Variants in DPP10 observed in about 807,000 individuals in gnomAD.
DPP10 encodes the protein dipeptidyl peptidase like 10, also known as inactive dipeptidyl peptidase 10.
DPP10 carries 33 observed loss-of-function variants against 120.9 expected under a neutral mutation model. The observed-to-expected ratio is 0.27, with a 90% CI of 0.21 to 0.37. The LOEUF (loss-of-function observed/expected upper bound fraction) is 0.37. DPP10 is among the 10% of genes least tolerant of loss of function. The probability of loss-of-function intolerance (pLI) is 1.00; values close to 1 mark genes in which losing one functional copy is unlikely to be tolerated. For synonymous variants in DPP10, 337 were observed against 326.1 expected (o/e 1.03, Z -0.36); for missense variants, 816 against 942.8 (o/e 0.87, Z 1.76).
At chr2:115,072,187 C>T (rs547041287) in intron 1 of DPP10, among the ~76,000 whole-genome samples, 1 of 152,120 alleles carries the variant, frequency 6.6e-6, no homozygotes, top group South Asian at 2.1e-4. Flanking sequence ...TTAAAAAGCA[C>T]ATATATCACC....
At chr2:115,087,845 C>T (rs555550658) in intron 1 of DPP10, among the ~76,000 whole-genome samples, 3 of 152,272 alleles carry the variant, frequency 2.0e-5, no homozygotes, top group African/African-American at 7.2e-5. Flanking sequence ...TGAGTCACCG[C>T]ACCCAGCCAA....
intron 5 of DPP10, among the ~76,000 whole-genome samples, chr2:115,551,145 A>G (rs2079846603): frequency 6.6e-6 from 1 of 152,098 alleles, no homozygotes; most frequent in Admixed American, 6.6e-5. Context: ...CACAATTTTT[A>G]ATAGTTTATT....
chr2:115,524,753 C>T (rs961568361), intron 4 of DPP10, among the ~76,000 whole-genome samples: 17 of 152,060 alleles, frequency 1.1e-4, no homozygotes, highest in Admixed American at 7.9e-4. Flanking sequence ...ATGTTGCAGT[C>T]GCATTAGCAT....
intron 1 of DPP10, among the ~76,000 whole-genome samples, chr2:114,934,075 A>C (rs1287011769): frequency 6.6e-6 from 1 of 152,198 alleles, no homozygotes; most frequent in African/African-American, 2.4e-5. Context: ...GGGATGTGGT[A>C]ACAGCTGTGA....
chr2:115,713,654 G>A (rs993961126), intron 7 of DPP10, among the ~76,000 whole-genome samples: 1 of 152,188 alleles, frequency 6.6e-6, no homozygotes, highest in Non-Finnish European at 1.5e-5. Flanking sequence ...TGTGATGAAG[G>A]ATTCTGGACA....
At chr2:115,773,308 A>G (rs1291133959) in intron 13 of DPP10, among the ~76,000 whole-genome samples, 1 of 152,154 alleles carries the variant, frequency 6.6e-6, no homozygotes, top group Non-Finnish European at 1.5e-5. Context: ...TTGTATTGAT[A>G]CCCAATGTGT....
At chr2:114,817,187 G>T (rs890443952) in intron 1 of DPP10, among the ~76,000 whole-genome samples, 8 of 151,972 alleles carry the variant, frequency 5.3e-5, no homozygotes, top group Non-Finnish European at 1.2e-4. Flanking sequence ...TGCTACTGAG[G>T]ATACTGGCAA....
chr2:115,131,668 T>A (rs1473832224), intron 1 of DPP10, among the ~76,000 whole-genome samples: 3 of 152,170 alleles, frequency 2.0e-5, no homozygotes, highest in African/African-American at 7.2e-5. Flanking sequence ...AGCTACTGAT[T>A]TGTTATCAGA....
chr2:114,801,616 T>C (rs11898152), intron 1 of DPP10, among the ~76,000 whole-genome samples: 6,406 of 152,286 alleles, frequency 0.042, 453 homozygotes, highest in African/African-American at 0.15. Flanking sequence ...AATAAAGAAC[T>C]GAATATACCT....
chr2:115,107,422 CTT>C (rs59046305), intron 1 of DPP10, among the ~76,000 whole-genome samples: 953 of 59,740 alleles, frequency 0.016, 6 homozygotes, highest in African/African-American at 0.046. Flanking sequence ...TTGGTTATAG[CTT>C]TTTTTTTTTT....
chr2:115,135,523 T>C (rs1160126894), intron 1 of DPP10, among the ~76,000 whole-genome samples: 1 of 152,056 alleles, frequency 6.6e-6, no homozygotes, highest in Non-Finnish European at 1.5e-5. Context: ...CCCCATGAGA[T>C]AGTAGGTAGA....
chr2:115,393,218 C>A (rs1448881452), intron 3 of DPP10, among the ~76,000 whole-genome samples: 1 of 151,278 alleles, frequency 6.6e-6, no homozygotes. Flanking sequence ...GAGGCTGAGG[C>A]ATGAGAATCG....
chr2:114,976,904 C>T (rs986060389), intron 1 of DPP10, among the ~76,000 whole-genome samples: 6 of 152,106 alleles, frequency 3.9e-5, no homozygotes, highest in Non-Finnish European at 7.4e-5. Flanking sequence ...ATTATCTTTA[C>T]CTTCAATCTT....
rs145094996 is a variant in DPP10, at chr2:114,791,421, A to G, written c.60+348583A>G. On this transcript the variant is annotated intron_variant, in intron 1 of 25. Coordinates refer to ENST00000410059, the MANE Select transcript of DPP10 (RefSeq NM_020868.6). Reference sequence around the variant, plus strand: ...GGAAATAGTGCTTTGATTAATTTCTAGAAATCTGCCTGTCTCACTCAGGAG... The same window carrying G: ...GGAAATAGTGCTTTGATTAATTTCTGGAAATCTGCCTGTCTCACTCAGGAG... Among the ~76,000 whole-genome samples the G allele has an allele frequency of 3.9e-5, 6 of 152,356 alleles. No homozygotes were observed. The East Asian group carries it at 7.7e-4, about 20-fold the overall frequency.
intron 1 of DPP10, among the ~76,000 whole-genome samples, chr2:114,901,559 G>C (rs1363568024): frequency 6.6e-6 from 1 of 152,102 alleles, no homozygotes; most frequent in Non-Finnish European, 1.5e-5. Flanking sequence ...CATAGTTCCA[G>C]GTCATTCACA....
chr2:115,218,722 A>T (rs999565727), intron 1 of DPP10, among the ~76,000 whole-genome samples: 4 of 152,110 alleles, frequency 2.6e-5, no homozygotes, highest in African/African-American at 9.7e-5. Context: ...TTATAATAAG[A>T]TATACTACTG....
At chr2:114,684,903 A>G (rs1216813490) in intron 1 of DPP10, among the ~76,000 whole-genome samples, 1 of 151,970 alleles carries the variant, frequency 6.6e-6, no homozygotes, top group East Asian at 1.9e-4. Context: ...AGGGGAGACC[A>G]TGGAGATCCA....
intron 5 of DPP10, among the ~76,000 whole-genome samples, chr2:115,617,740 A>C (rs1165210907): frequency 6.6e-6 from 1 of 152,098 alleles, no homozygotes; most frequent in African/African-American, 2.4e-5. Context: ...TGCAAAACAA[A>C]ATCACCTGAA....
chr2:114,899,297 T>C (rs983305780), intron 1 of DPP10, among the ~76,000 whole-genome samples: 15 of 152,062 alleles, frequency 9.9e-5, no homozygotes, highest in Non-Finnish European at 1.9e-4. Flanking sequence ...TTTAACTTTT[T>C]ATTGGGAAAT....
Sources: allele counts gnomAD v4.1 joint callset (sites outside exome capture counted in the v4.1 genomes callset), GRCh38; gene constraint gnomAD v4.1.1; transcripts MANE v1.5; gene names NCBI Gene and HGNC (gene_info 2026-07-23, HGNC 2026-07-21).